NTRK3: variants seen among roughly 807,000 people sequenced by gnomAD.
The protein encoded by NTRK3 is neurotrophic receptor tyrosine kinase 3.
NTRK3 carries 24 observed loss-of-function variants against 91.7 expected under a neutral mutation model. The observed-to-expected ratio is 0.26, with a 90% confidence interval of 0.19 to 0.37. The LOEUF is 0.37. Ranked by LOEUF, NTRK3 falls within the 10% of genes least tolerant of loss-of-function variation. The pLI is 1.00. For missense variants in NTRK3, 880 were observed against 1,068.9 expected (o/e 0.82, Z 2.46); for synonymous variants, 483 against 404.0 (o/e 1.20, Z -2.34).
chr15:88,252,647 C>A (rs567365418), intron 3 of NTRK3: 1 of 152,524 alleles, frequency 6.6e-6, no homozygotes, highest in South Asian at 2.1e-4. Flanking sequence ...ACCATGGCCA[C>A]CACCCTCCTG....
At chr15:88,160,908 A>G (rs1263195860) in intron 5 of NTRK3, among the ~76,000 whole-genome samples, 1 of 152,112 alleles carries the variant, frequency 6.6e-6, no homozygotes, top group African/African-American at 2.4e-5. Flanking sequence ...GAGTTGTGGG[A>G]CCTGCCCTGA....
At chr15:87,943,447 A>G (rs187813524) in intron 14 of NTRK3, among the ~76,000 whole-genome samples, 1 of 152,088 alleles carries the variant, frequency 6.6e-6, no homozygotes. Flanking sequence ...AGTGCAGATC[A>G]TGCCTCTCTT....
chr15:87,963,076 G>A (rs1302662190), intron 14 of NTRK3, among the ~76,000 whole-genome samples: 1 of 152,174 alleles, frequency 6.6e-6, no homozygotes. Flanking sequence ...TGTTTCAGAA[G>A]GAGATAGCTT....
intron 3 of NTRK3, among the ~76,000 whole-genome samples, chr15:88,198,131 G>T (rs2047989088): frequency 6.6e-6 from 1 of 152,152 alleles, no homozygotes; most frequent in African/African-American, 2.4e-5. Flanking sequence ...TCCTCGGGTT[G>T]GGCAGGAATT....
intron 13 of NTRK3, among the ~76,000 whole-genome samples, chr15:88,044,508 G>T (rs1035669601): frequency 1.3e-5 from 2 of 151,660 alleles, no homozygotes; most frequent in Non-Finnish European, 2.9e-5. Context: ...TGATCTGCCC[G>T]CCTTGGCCTT....
Position 88,193,826 on chromosome 15 carries a change from A to T in NTRK3, c.249-9527T>A, listed in dbSNP as rs78020348. Among the ~76,000 whole-genome samples, 1,354 of 152,194 alleles carry T rather than the reference A, an allele frequency of 8.9e-3. 23 individuals carry two copies. The highest frequency in any genetic ancestry group is 0.031 in the African/African-American group (1,287 of 41,508). ...AAACATGTTTTAGGAAAGCTCATCT[A>T]CAAAAAGAAAAAAAACCTCCTTGAC... On this transcript the variant is annotated intron_variant, in intron 3 of 18. Coordinates refer to ENST00000394480, the Ensembl canonical transcript of NTRK3.
intron 5 of NTRK3, among the ~76,000 whole-genome samples, chr15:88,181,328 C>A (rs1218337128): frequency 6.6e-6 from 1 of 152,174 alleles, no homozygotes; most frequent in Non-Finnish European, 1.5e-5. Context: ...CACCACTCAG[C>A]AGACCCCATA....
chr15:88,153,345 C>T (rs550707143), intron 5 of NTRK3, among the ~76,000 whole-genome samples: 26 of 152,096 alleles, frequency 1.7e-4, no homozygotes, highest in Admixed American at 3.3e-4. Flanking sequence ...CGGGTTGAAG[C>T]GATTCTTCTG....
chr15:88,167,025 T>C (rs2045028250), intron 5 of NTRK3, among the ~76,000 whole-genome samples: 1 of 152,198 alleles, frequency 6.6e-6, no homozygotes, highest in Non-Finnish European at 1.5e-5. Context: ...TTAAGACCCA[T>C]GTCCTTCCTG....
chr15:87,912,931 A>AATATATATATATATATATATAT lies in NTRK3; in HGVS notation c.2133+16238_2133+16259dup, dbSNP rs58367924. Among the ~76,000 whole-genome samples, 20 of 36,456 alleles carry AATATATATATATATATATATAT rather than the reference A, an allele frequency of 5.5e-4. 1 individual carries two copies. The highest frequency in any genetic ancestry group is 1.2e-3 in the South Asian group (1 of 846). 23.9% of individuals were successfully genotyped at this position (36,456 alleles called of 152,430 possible). ...TTCAACTTTTCAAAAAGTAAAAAAA[A>AATATATATATATATATATATAT]ATATATATATATATATATATATATA... On this transcript the variant is annotated intron_variant, in intron 17 of 18. Coordinates refer to ENST00000394480, the Ensembl canonical transcript of NTRK3.
At chr15:88,137,034 G>A (rs1000605638) in intron 7 of NTRK3, among the ~76,000 whole-genome samples, 2 of 152,160 alleles carry the variant, frequency 1.3e-5, no homozygotes, top group African/African-American at 4.8e-5. Context: ...CCAGAAATCT[G>A]CTTTTTTAGA....
intron 6 of NTRK3, among the ~76,000 whole-genome samples, chr15:88,141,611 C>T (rs767065670): frequency 2.0e-5 from 3 of 152,210 alleles, no homozygotes; most frequent in African/African-American, 4.8e-5. Flanking sequence ...ACAAATTATC[C>T]ACCTGGGTGG....
intron 5 of NTRK3, among the ~76,000 whole-genome samples, chr15:88,156,247 G>A (rs771119390): frequency 6.6e-6 from 1 of 152,176 alleles, no homozygotes; most frequent in African/African-American, 2.4e-5. Context: ...GCTCAGAGCA[G>A]GAAGGAAAAG....
chr15:87,868,713 TTGTGCCACAA>T, exon 19 of NTRK3: 1 of 220,624 alleles, frequency 4.5e-6, no homozygotes, highest in East Asian at 6.6e-5. Flanking sequence ...TATGTGGCTG[TTGTGCCACAA>T]TGTGGAATTA....
chr15:88,196,692 C>T (rs1469109031), intron 3 of NTRK3, among the ~76,000 whole-genome samples: 1 of 152,238 alleles, frequency 6.6e-6, no homozygotes, highest in Non-Finnish European at 1.5e-5. Flanking sequence ...TCCCTTACTT[C>T]ATCATTGCCA....
chr15:87,990,098 T>C (rs2075169144), intron 14 of NTRK3, among the ~76,000 whole-genome samples: 1 of 152,182 alleles, frequency 6.6e-6, no homozygotes, highest in Non-Finnish European at 1.5e-5. Context: ...GGAGTCCTCC[T>C]ACAAGGGTAA....
At chr15:88,239,950 C>T (rs571298333) in intron 3 of NTRK3, among the ~76,000 whole-genome samples, 7 of 152,068 alleles carry the variant, frequency 4.6e-5, no homozygotes, top group East Asian at 1.9e-4. Flanking sequence ...GCCCAGCGGT[C>T]GGTGTTTTAA....
intron 14 of NTRK3, among the ~76,000 whole-genome samples, chr15:88,018,639 T>C (rs1267067091): frequency 6.6e-6 from 1 of 152,198 alleles, no homozygotes; most frequent in Non-Finnish European, 1.5e-5. Context: ...CACAGTTTTG[T>C]CATTTTCTAG....
intron 17 of NTRK3, among the ~76,000 whole-genome samples, chr15:87,886,147 C>G (rs2065525248): frequency 6.6e-6 from 1 of 151,928 alleles, no homozygotes; most frequent in South Asian, 2.1e-4. Context: ...TTGGGAAAGA[C>G]TGAAAAAAAT....
Sources: gnomAD v4.1 joint callset for allele counts (sites outside exome capture counted in the v4.1 genomes callset) on GRCh38, gnomAD v4.1.1 for gene constraint, MANE v1.5 for transcripts, NCBI Gene and HGNC (gene_info 2026-07-23, HGNC 2026-07-21) for gene names.